AFP: variants seen among roughly 807,000 people sequenced by gnomAD.
The protein encoded by AFP is alpha-fetoprotein.
AFP carries 64 observed loss-of-function variants against 78.9 expected under a neutral mutation model. That is an observed-to-expected ratio of 0.81 (90% CI 0.66 to 1.00). The LOEUF is 1.00. Ranked by LOEUF, AFP falls within the 50% of genes least tolerant of loss-of-function variation. The probability of loss-of-function intolerance (pLI) is 0.00; values close to 1 mark genes in which losing one functional copy is unlikely to be tolerated. For synonymous variants in AFP, 254 were observed against 243.8 expected (o/e 1.04, Z -0.39); for missense variants, 689 against 703.8 (o/e 0.98, Z 0.24).
At chr4:73,442,814 CT>C (rs1719709409) in intron 5 of AFP, among the ~76,000 whole-genome samples, 1 of 151,742 alleles carries the variant, frequency 6.6e-6, no homozygotes, top group African/African-American at 2.4e-5. Context: ...TTTTTTAAAC[CT>C]TAGAACAAAT....
At chr4:73,455,316 A>G (rs1192205588) in intron 14 of AFP, 26 bp downstream of exon 14, 25 of 1,560,990 alleles carry the variant, frequency 1.6e-5, no homozygotes, top group Non-Finnish European at 2.0e-5. Flanking sequence ...GACAAGCCTG[A>G]ATACAATGTT....
At chr4:73,455,317 A>G (rs1414161277) in intron 14 of AFP, 27 bp downstream of exon 14, 3 of 1,557,834 alleles carry the variant, frequency 1.9e-6, no homozygotes, top group African/African-American at 2.7e-5. Flanking sequence ...ACAAGCCTGA[A>G]TACAATGTTG....
chr4:73,445,966 G>A (rs1413612059), intron 7 of AFP, among the ~76,000 whole-genome samples: 1 of 152,180 alleles, frequency 6.6e-6, no homozygotes, highest in African/African-American at 2.4e-5. Flanking sequence ...AATCCAAGGA[G>A]CTTAAAAATT....
Position 73,436,273 on chromosome 4 carries a change from T to G in AFP, c.11T>G (p.Val4Gly). The G allele has an allele frequency of 6.2e-7, 1 of 1,600,446 alleles. No individual in the cohort carries two copies. Among genetic ancestry groups the G allele is most frequent in the Admixed American group, 1.7e-5 (1 of 59,544 alleles). The change falls in exon 1 of 15, where the codon GTG becomes GGG. Residue 4 changes from valine (V) to glycine (G), a missense_variant. Physicochemically the swap from Val to Gly is moderately radical, Grantham distance 109 (BLOSUM62 -3). Coordinates refer to ENST00000395792, the MANE Select transcript of AFP (RefSeq NM_001134.3). The stretch of plus-strand genomic sequence containing the variant: ...AAATAACTAGCAACCATGAAGTGGG[T>G]GGAATCAATTTTTTTAATTTTCCTA... MKWVESIFLIFLLN... is the reference protein window; with the variant it reads MKWGESIFLIFLLN...
chr4:73,443,803 T>C lies in AFP; in HGVS notation c.713+359T>C, dbSNP rs139023225. Among the ~76,000 whole-genome samples the C allele has an allele frequency of 9.8e-4, 150 of 152,314 alleles. 1 individual carries two copies. The highest frequency in any genetic ancestry group is 4.6e-4 in the Non-Finnish European group (31 of 68,000). On this transcript the variant is annotated intron_variant, in intron 6 of 14. Transcript: ENST00000395792. ...AAAATAAGTCAGCCTTCACTGAGTG[T>C]CATTTAAAACTTTTGCCTTAACAAG...
Position 73,452,534 on chromosome 4 carries a change from A to G in AFP, c.1562A>G (p.Tyr521Cys), listed in dbSNP as rs1400528054. Residue 521 changes from tyrosine (Y) to cysteine (C), a missense_variant, in exon 12 of 15, where the codon TAT becomes TGT. By Grantham distance (194) the Tyr-to-Cys change is radical. Coordinates refer to ENST00000395792, the MANE Select transcript of AFP (RefSeq NM_001134.3). ...AGCAGCTTGGTGGTGGATGAAACATATGTCCCTCCTGCATTCTCTGATGAC... is the reference window on the plus strand; with the variant it reads ...AGCAGCTTGGTGGTGGATGAAACATGTGTCCCTCCTGCATTCTCTGATGAC... ...CFSSLVVDET[Y>C]VPPAFSDDKF... 1.2e-6 allele frequency: 2 copies of G among 1,613,980 alleles called. No homozygotes were observed. Among genetic ancestry groups the G allele is most frequent in the Non-Finnish European group, 1.7e-6 (2 of 1,179,980 alleles).
chr4:73,438,108 A>G, intron 2 of AFP, 66 bp from the exon 3 acceptor site: 1 of 1,594,636 alleles, frequency 6.3e-7, no homozygotes, highest in Non-Finnish European at 8.6e-7. Flanking sequence ...ATGAAAAACT[A>G]TACTTGAGAA....
intron 8 of AFP, among the ~76,000 whole-genome samples, chr4:73,448,245 T>C (rs931405120): frequency 6.6e-6 from 1 of 152,168 alleles, no homozygotes; most frequent in Non-Finnish European, 1.5e-5. Flanking sequence ...ATACAACTGA[T>C]AGGTCACGTT....
intron 3 of AFP, 21 bp from the exon 4 acceptor site, chr4:73,440,581 A>G (rs373770134): frequency 2.3e-5 from 37 of 1,597,332 alleles, no homozygotes; most frequent in Non-Finnish European, 3.1e-5. Flanking sequence ...TCTTTCTCCA[A>G]ACATAAAATA....
intron 2 of AFP, among the ~76,000 whole-genome samples, chr4:73,437,466 GT>G (rs1346907036): frequency 6.6e-6 from 1 of 151,994 alleles, no homozygotes; most frequent in African/African-American, 2.4e-5. Flanking sequence ...CTGAAGATTA[GT>G]GTCTGATCAG....
intron 10 of AFP, 118 bp downstream of exon 10, chr4:73,450,251 T>C (rs1326063596): frequency 1.1e-6 from 1 of 881,864 alleles, no homozygotes; most frequent in South Asian, 1.6e-5. Flanking sequence ...TCTGTGGTAT[T>C]GACTTTAAGT....
chr4:73,441,319 C>T (rs1270403589), intron 4 of AFP, among the ~76,000 whole-genome samples: 1 of 152,000 alleles, frequency 6.6e-6, no homozygotes, highest in Admixed American at 6.5e-5. Flanking sequence ...GTAATCCCAG[C>T]ACTTTGGGAG....
intron 7 of AFP, 130 bp from the exon 8 acceptor site, chr4:73,447,332 T>C (rs931911310): frequency 1.7e-6 from 1 of 602,378 alleles, no homozygotes; most frequent in South Asian, 2.6e-5. Context: ...CCTTCTTTCC[T>C]GGCCTTTTTT....
At chr4:73,437,314 C>A (rs1719536725) in intron 2 of AFP, 103 bp downstream of exon 2, 1 of 866,134 alleles carries the variant, frequency 1.2e-6, no homozygotes, top group Non-Finnish European at 1.9e-6. Context: ...AGCACAAAAG[C>A]AATTTGGACA....
rs373915432 is a variant in AFP, at chr4:73,449,447, C to G, written c.1171C>G (p.Leu391Val). Reference protein sequence around the residue: ...LEKCFQTENPLECQDKGEEEL... With the variant: ...LEKCFQTENPVECQDKGEEEL... Reference sequence around the variant, plus strand: ...GAAGTGTTTCCAGACTGAAAACCCTCTTGAATGCCAAGATAAAGGAGTAAG... The same window carrying G: ...GAAGTGTTTCCAGACTGAAAACCCTGTTGAATGCCAAGATAAAGGAGTAAG... The change falls in exon 9 of 15, where the codon CTT (leucine) becomes GTT (valine). Residue 391 changes from leucine (L) to valine (V), a missense_variant. Leu to Val is a conservative substitution (Grantham distance 32). Coordinates refer to ENST00000395792, the MANE Select transcript of AFP (RefSeq NM_001134.3). 9 of 1,613,428 alleles carry G rather than the reference C, an allele frequency of 5.6e-6. No individual in the cohort carries two copies. The highest frequency in any genetic ancestry group is 7.6e-6 in the Non-Finnish European group (9 of 1,179,666).
intron 14 of AFP, 56 bp downstream of exon 14, chr4:73,455,346 T>C (rs1167579967): frequency 7.3e-7 from 1 of 1,367,372 alleles, no homozygotes; most frequent in Non-Finnish European, 1.0e-6. Flanking sequence ...GAAATATCAA[T>C]CCATAATGAG....
intron 2 of AFP, 74 bp downstream of exon 2, chr4:73,437,285 A>G: frequency 1.6e-6 from 2 of 1,279,220 alleles, no homozygotes; most frequent in South Asian, 2.4e-5. Context: ...AAAATTGGGT[A>G]CCCCTGTGAG....
intron 5 of AFP, 123 bp downstream of exon 5, chr4:73,442,551 T>C (rs2149333934): frequency 8.6e-7 from 1 of 1,160,576 alleles, no homozygotes; most frequent in Non-Finnish European, 1.3e-6. Flanking sequence ...AGAGAAATAG[T>C]TCAGCAGTCT....
chr4:73,438,438 T>G, intron 3 of AFP, 132 bp downstream of exon 3: 1 of 1,058,972 alleles, frequency 9.4e-7, no homozygotes, highest in Non-Finnish European at 1.4e-6. Context: ...AGGGATTAGA[T>G]TCATTCTGAA....
Sources: allele counts gnomAD v4.1 joint callset (sites outside exome capture counted in the v4.1 genomes callset), GRCh38; gene constraint gnomAD v4.1.1; transcripts MANE v1.5; gene names NCBI Gene and HGNC (gene_info 2026-07-23, HGNC 2026-07-21).